MED16: variants seen among roughly 807,000 people sequenced by gnomAD.
The protein encoded by MED16 is mediator of RNA polymerase II transcription subunit 16.
Under a neutral mutation model 84.4 loss-of-function variants are expected in MED16, and 81 were observed. The observed-to-expected ratio is 0.96, with a 90% CI of 0.80 to 1.15. The LOEUF (loss-of-function observed/expected upper bound fraction) is 1.15. Ranked by LOEUF, MED16 falls within the 50% of genes most tolerant of loss-of-function variation. The pLI, the probability that MED16 is intolerant of heterozygous loss-of-function variation, is 0.00. For synonymous variants in MED16, 897 were observed against 552.2 expected, an observed-to-expected ratio of 1.62 and a Z score of -8.76; for missense variants, 1,585 against 1,245.9, an observed-to-expected ratio of 1.27 and a Z score of -4.10.
intron 9 of MED16, among the ~76,000 whole-genome samples, chr19:876,470 C>T (rs1348983260): frequency 6.6e-6 from 1 of 152,118 alleles, no homozygotes; most frequent in African/African-American, 2.4e-5. Flanking sequence ...TAGAAAGATA[C>T]CTCCAGACTG....
chr19:877,174 C>G lies in MED16; in HGVS notation c.1360G>C (p.Val454Leu). The G allele has an allele frequency of 3.7e-6, 6 of 1,608,032 alleles. No individual in the cohort carries two copies. The highest frequency in any genetic ancestry group is 5.1e-6 in the Non-Finnish European group (6 of 1,178,424). Residue 454 changes from valine to leucine, a missense_variant, in exon 9 of 16, where the codon GTG (valine) becomes CTG (leucine). Val to Leu is a conservative substitution (Grantham distance 32). Coordinates refer to ENST00000325464, the MANE Select transcript of MED16 (RefSeq NM_005481.3). ...VGIDSHGKLS[V>L]LRLSPSMGHP... ...CCCATGGAAGGTGAGAGGCGGAGCA[C>G]GCTCAGCTGCCAGAGACAGAGCCCA...
intron 7 of MED16, among the ~76,000 whole-genome samples, chr19:881,142 C>A (rs2036413214): frequency 6.6e-6 from 1 of 152,098 alleles, no homozygotes; most frequent in African/African-American, 2.4e-5. Context: ...CCACATTTTA[C>A]AGCTGAGCAA....
chr19:870,467 A>G (rs1226095847), intron 13 of MED16, among the ~76,000 whole-genome samples: 2 of 151,064 alleles, frequency 1.3e-5, no homozygotes, highest in Non-Finnish European at 3.0e-5. Context: ...AGGCTGAGGT[A>G]GGAGAATCAT....
In MED16 at chr19:877,070, C is replaced by T; in HGVS notation, c.1464G>A (p.Trp488Ter). The T allele has an allele frequency of 1.2e-6, 2 of 1,612,740 alleles. No homozygotes were observed. The highest frequency in any genetic ancestry group is 1.7e-6 in the Non-Finnish European group (2 of 1,179,912). ...GCTGCACGTGCAGCAGGATGTCCCACCAGTCGTAGCCGGTCACCATGCAGT... is the reference window on the plus strand; with the variant it reads ...GCTGCACGTGCAGCAGGATGTCCCATCAGTCGTAGCCGGTCACCATGCAGT... ...LEYCMVTGYD[W>*]WDILLHVQPS... The change falls in exon 9 of 16, where the codon TGG becomes TGA. Residue 488 changes from tryptophan to a stop codon, truncating the protein, a stop_gained. Coordinates refer to ENST00000325464, the MANE Select transcript of MED16 (RefSeq NM_005481.3). LOFTEE classifies it high-confidence loss of function.
At chr19:872,642 AGT>A (rs141936460) in intron 11 of MED16, among the ~76,000 whole-genome samples, 1,007 of 95,092 alleles carry the variant, frequency 0.011, 15 homozygotes, top group African/African-American at 0.039. Context: ...GGCAGGACAG[AGT>A]GTACCGGCGG....
chr19:868,622 C>A, intron 14 of MED16, 123 bp from the exon 15 acceptor site: 1 of 1,307,822 alleles, frequency 7.6e-7, no homozygotes, highest in South Asian at 1.3e-5. Context: ...CTCCCCACGT[C>A]CCCACCTGCC....
chr19:867,975 G>T lies in MED16; in HGVS notation c.*126C>A. On this transcript the variant is annotated 3_prime_UTR_variant, in exon 16 of 16. Coordinates refer to ENST00000325464, the MANE Select transcript of MED16 (RefSeq NM_005481.3). ...AGGGACGCGGGCCTGGGCGCAGAGGGCGTTTATTGGACCTGTCCTTCCCAG... is the reference window on the plus strand; with the variant it reads ...AGGGACGCGGGCCTGGGCGCAGAGGTCGTTTATTGGACCTGTCCTTCCCAG... 1 of 1,281,616 alleles carries T rather than the reference G, an allele frequency of 7.8e-7. No homozygotes were observed. Among genetic ancestry groups the T allele is most frequent in the Non-Finnish European group, 1.1e-6 (1 of 951,372 alleles). 79.4% of individuals were successfully genotyped at this position (1,281,616 alleles called of 1,614,324 possible).
intron 14 of MED16, 91 bp downstream of exon 14, chr19:868,772 G>T: frequency 1.5e-6 from 2 of 1,367,272 alleles, no homozygotes; most frequent in South Asian, 2.6e-5. Flanking sequence ...CACCACCCTT[G>T]ACCGTCTGGA....
chr19:875,291 CTCTTG>C lies in MED16; in HGVS notation c.1719_1723del (p.Asp573GlufsTer19). Reference sequence around the variant, plus strand: ...GATCTCGGTCAGCCGGTCGCCGGGGCTCTTGTCAGGCGTGTTGAGAAAGTGGGGGC... The same window carrying C: ...GATCTCGGTCAGCCGGTCGCCGGGGCTCAGGCGTGTTGAGAAAGTGGGGGC... On this transcript the variant is annotated frameshift_variant, in exon 10 of 16. Coordinates refer to ENST00000325464, the MANE Select transcript of MED16 (RefSeq NM_005481.3). LOFTEE classifies it high-confidence loss of function. 7.5e-7 allele frequency: 1 copy of C among 1,332,058 alleles called. No homozygotes were observed. Among genetic ancestry groups the C allele is most frequent in the Non-Finnish European group, 9.7e-7 (1 of 1,034,242 alleles). The allele number at this position is 1,332,058 out of a possible 1,614,324, so 82.5% of individuals were successfully genotyped here. A position where few individuals can be genotyped will look rare whatever the true frequency, so the allele number is the denominator to read the frequency against.
rs1355279639 is a variant in MED16 at position 881,667 on chromosome 19, T to C, written c.1033A>G (p.Thr345Ala). 1.9e-6 allele frequency: 3 copies of C among 1,612,614 alleles called. No homozygotes were observed. Among genetic ancestry groups the C allele is most frequent in the Non-Finnish European group, 2.5e-6 (3 of 1,179,788 alleles). The change falls in exon 7 of 16, where the codon ACC (threonine) becomes GCC (alanine). Residue 345 changes from threonine to alanine, a missense_variant. Coordinates refer to ENST00000325464, the MANE Select transcript of MED16 (RefSeq NM_005481.3). ...TILKWRILSA[T>A]NDLDRVSAVA... ...GCCGACACACGGTCCAGATCGTTGG[T>C]GGCCGATAGGATCCGCCATTTGAGA...
intron 9 of MED16, among the ~76,000 whole-genome samples, chr19:875,816 G>A (rs1179976134): frequency 1.3e-5 from 2 of 152,172 alleles, no homozygotes; most frequent in Non-Finnish European, 1.5e-5. Context: ...CGATGTCTGT[G>A]GTGCCTACGG....
chr19:871,506 G>C, intron 12 of MED16: 1 of 1,526,286 alleles, frequency 6.6e-7, no homozygotes, highest in Non-Finnish European at 8.8e-7. Context: ...AAAGTATGTG[G>C]GAAGCACTGT....
chr19:875,306 T>C lies in MED16; in HGVS notation c.1709A>G (p.Asn570Ser). 1 of 1,603,696 alleles carries C rather than the reference T, an allele frequency of 6.2e-7. No homozygotes were observed. The highest frequency in any genetic ancestry group is 8.5e-7 in the Non-Finnish European group (1 of 1,175,062). Residue 570 changes from asparagine (N) to serine (S), a missense_variant, in exon 10 of 16, where the codon AAC becomes AGC. Coordinates refer to ENST00000325464, the MANE Select transcript of MED16 (RefSeq NM_005481.3). ...GTCGCCGGGGCTCTTGTCAGGCGTG[T>C]TGAGAAAGTGGGGGCGCAGCAGCGA... ...LKSLLRPHFL[N>S]TPDKSPGDRL...
Position 890,252 on chromosome 19 carries a change from G to A in MED16, c.170-8C>T. The stretch of plus-strand genomic sequence containing the variant: ...GGATCATGCGGGTCAGGTCTGTGGG[G>A]ACGGGGCATGGTCAGCACGGCCTGG... On this transcript the variant is annotated splice_region_variant and splice_polypyrimidine_tract_variant and intron_variant, in intron 2 of 15. Transcript: ENST00000325464. 6.5e-7 allele frequency: 1 copy of A among 1,528,792 alleles called. No homozygotes were observed. The highest frequency in any genetic ancestry group is 1.7e-4 in the Middle Eastern group (1 of 5,882). 94.7% of individuals were successfully genotyped at this position (1,528,792 alleles called of 1,614,324 possible). A position where few individuals can be genotyped will look rare whatever the true frequency, so the allele number is the denominator to read the frequency against.
At chr19:875,120 C>T (rs1451066694) in intron 10 of MED16, 124 bp downstream of exon 10, 2 of 603,692 alleles carry the variant, frequency 3.3e-6, no homozygotes, top group East Asian at 3.2e-5. Flanking sequence ...GCTGAGATCG[C>T]ACCACTGCAC....
chr19:873,412 G>A lies in MED16; in HGVS notation c.1905+37C>T, dbSNP rs138860392. 5.0e-3 allele frequency: 7,979 copies of A among 1,589,020 alleles called. 23 individuals carry two copies. The highest frequency in any genetic ancestry group is 6.1e-3 in the Middle Eastern group (28 of 4,590). ...GGGGTCCTGATGAGATGGGGGCCCA[G>A]GTGGGGGGCGGGGCCTTAGGGGAGA... is the stretch of plus-strand genomic sequence containing the variant. On this transcript the variant is annotated intron_variant, in intron 11 of 15. Coordinates refer to ENST00000325464, the MANE Select transcript of MED16 (RefSeq NM_005481.3).
chr19:884,831 C>T, intron 6 of MED16, 72 bp downstream of exon 6: 1 of 1,239,638 alleles, frequency 8.1e-7, no homozygotes, highest in Non-Finnish European at 1.1e-6. Context: ...CACAGCAAGA[C>T]CTGCCTCCAA....
intron 6 of MED16, among the ~76,000 whole-genome samples, chr19:884,157 C>A (rs1164300042): frequency 3.9e-5 from 6 of 152,302 alleles, no homozygotes; most frequent in African/African-American, 1.4e-4. Context: ...TCGGCAAATG[C>A]CTGTGCTCTC....
intron 7 of MED16, 119 bp from the exon 8 acceptor site, chr19:880,267 C>A (rs1261528593): frequency 4.4e-6 from 4 of 899,484 alleles, no homozygotes; most frequent in Admixed American, 3.8e-5. Flanking sequence ...GGGTCAGCCC[C>A]CGCCAATCGG....
Sources: allele counts gnomAD v4.1 joint callset (sites outside exome capture counted in the v4.1 genomes callset), GRCh38; gene constraint gnomAD v4.1.1; transcripts MANE v1.5; gene names NCBI Gene and HGNC (gene_info 2026-07-23, HGNC 2026-07-21).